The following IFT57 variants were observed in gnomAD, a reference collection of about 807,000 sequenced individuals.
The protein encoded by IFT57 is intraflagellar transport protein 57 homolog.
A neutral mutation model predicts 56.8 loss-of-function variants in IFT57; 59 were observed. The observed-to-expected ratio is 1.04, with a 90% CI of 0.84 to 1.29. The LOEUF (loss-of-function observed/expected upper bound fraction) is 1.29, where lower values mean the gene tolerates loss of function less well. Ranked by LOEUF, IFT57 falls within the 50% of genes most tolerant of loss-of-function variation. The pLI is 0.00. For missense variants in IFT57, 470 were observed against 522.1 expected (o/e 0.90, Z 0.97); for synonymous variants, 209 against 186.1 (o/e 1.12, Z -1.00).
At chr3:108,179,614 G>A (rs1474198695) in intron 6 of IFT57, among the ~76,000 whole-genome samples, 2 of 151,834 alleles carry the variant, frequency 1.3e-5, no homozygotes, top group East Asian at 1.9e-4. Flanking sequence ...TACTGCCCCC[G>A]TTTGTGTATC....
chr3:108,182,637 G>A (rs1477923868), intron 6 of IFT57, among the ~76,000 whole-genome samples: 1 of 151,996 alleles, frequency 6.6e-6, no homozygotes, highest in Non-Finnish European at 1.5e-5. Flanking sequence ...TAAAGTTTAA[G>A]GTTCTTTTTA....
chr3:108,209,531 T>C (rs1349212738), intron 4 of IFT57, among the ~76,000 whole-genome samples: 1 of 152,218 alleles, frequency 6.6e-6, no homozygotes, highest in Non-Finnish European at 1.5e-5. Flanking sequence ...ACAAGGTGCC[T>C]TGGTGTTGGT....
intron 1 of IFT57, among the ~76,000 whole-genome samples, chr3:108,221,311 A>G (rs1211534379): frequency 6.6e-6 from 1 of 152,224 alleles, no homozygotes; most frequent in African/African-American, 2.4e-5. Flanking sequence ...AAGTGAAAGA[A>G]AAGCTATAAA....
At chr3:108,163,761 C>A in intron 9 of IFT57, 32 bp from the exon 10 acceptor site, 1 of 1,356,124 alleles carries the variant, frequency 7.4e-7, no homozygotes, top group Non-Finnish European at 1.1e-6. Context: ...ATGAGCATTA[C>A]ATTTTAATAA....
intron 6 of IFT57, among the ~76,000 whole-genome samples, chr3:108,185,551 A>ATT (rs1179200943): frequency 0.014 from 1,229 of 87,330 alleles, 160 homozygotes; most frequent in African/African-American, 0.04. Context: ...GAGCACTAGG[A>ATT]TTTTTTTTTT....
rs566284893 is a variant in IFT57, at chr3:108,211,911, T to C, written c.585+2020A>G. 2.0e-5 allele frequency among the ~76,000 whole-genome samples: 3 copies of C among 152,330 alleles called. No homozygotes were observed. In the South Asian group the frequency reaches 6.2e-4, roughly 32 times the overall value. ...TATCAACATAAAATTTGGAATCATC[T>C]CAGTTAATTTTATAGCATATAGTAT... On this transcript the variant is annotated intron_variant, in intron 4 of 10. Transcript: ENST00000264538.
At chr3:108,199,901 T>G (rs555423925) in intron 5 of IFT57, among the ~76,000 whole-genome samples, 1 of 152,070 alleles carries the variant, frequency 6.6e-6, no homozygotes, top group Admixed American at 6.5e-5. Flanking sequence ...AGAGAGACAG[T>G]GGGAAGGTAT....
intron 6 of IFT57, among the ~76,000 whole-genome samples, chr3:108,168,780 T>C (rs1470080283): frequency 2.0e-5 from 3 of 152,060 alleles, no homozygotes; most frequent in Non-Finnish European, 4.4e-5. Flanking sequence ...CTGCTGAGAA[T>C]GATGGCTCCC....
chr3:108,175,347 A>G (rs1248233693), intron 6 of IFT57, among the ~76,000 whole-genome samples: 2 of 151,836 alleles, frequency 1.3e-5, no homozygotes, highest in African/African-American at 4.8e-5. Context: ...ATATGAAATC[A>G]CATGTATAAT....
At chr3:108,164,214 C>T (rs1226833312) in intron 9 of IFT57, among the ~76,000 whole-genome samples, 1 of 151,848 alleles carries the variant, frequency 6.6e-6, no homozygotes, top group Non-Finnish European at 1.5e-5. Context: ...TATCATATGG[C>T]TATATATAAG....
At position 108,218,307 on chromosome 3, in the gene IFT57, G is replaced by C. The variant is rs1424398258; in HGVS notation, c.494+228C>G. The C allele has an allele frequency of 3.1e-5, 9 of 293,796 alleles. No homozygotes were observed. In the Admixed American group the frequency reaches 4.1e-4, roughly 13 times the overall value. The allele number at this position is 293,796 out of a possible 1,614,324, so 18.2% of individuals were successfully genotyped here. On this transcript the variant is annotated intron_variant, in intron 3 of 10. Coordinates refer to ENST00000264538, the MANE Select transcript of IFT57 (RefSeq NM_018010.4). ...TTAAACCTTTAATAATTACATATTT[G>C]AACAGGAAAACGGCATAATAATATG...
At position 108,213,999 on chromosome 3, in the gene IFT57, A is replaced by G. The variant is rs781656463; in HGVS notation, c.517T>C (p.Leu173=). ...TCTTCTGCAACGCTTTCTTCTTCTA[A>G]TTCTTCTACTGGGTATATTGGCCTA... The part of the protein sequence containing the change: ...WKRPIYPVEE[L]EEESVAEDDA... Residue 173 remains leucine (L), a synonymous_variant, in exon 4 of 11, where the codon TTA becomes CTA. Transcript: ENST00000264538. 1 of 1,602,886 alleles carries G rather than the reference A, an allele frequency of 6.2e-7. No homozygotes were observed. The highest frequency in any genetic ancestry group is 1.1e-5 in the South Asian group (1 of 90,792).
chr3:108,222,420 C>G lies in IFT57; in HGVS notation c.-98G>C. The G allele has an allele frequency of 1.2e-6, 1 of 808,124 alleles. No homozygotes were observed. Among genetic ancestry groups the G allele is most frequent in the Non-Finnish European group, 1.8e-6 (1 of 547,218 alleles). The allele number at this position is 808,124 out of a possible 1,614,324, so 50.1% of individuals were successfully genotyped here. ...CGCCAGTACAGCCACGACCGGTTAC[C>G]AGGCGACCACCGGACAATCCGTCAC... is the stretch of plus-strand genomic sequence containing the variant. On this transcript the variant is annotated 5_prime_UTR_variant, in exon 1 of 11. Transcript: ENST00000264538.
intron 6 of IFT57, among the ~76,000 whole-genome samples, chr3:108,169,302 GTCTGTT>G (rs1201705539): frequency 2.0e-5 from 3 of 151,508 alleles, no homozygotes; most frequent in Non-Finnish European, 4.4e-5. Flanking sequence ...TCTGAGAAGC[GTCTGTT>G]CATATCCTTT....
intron 1 of IFT57, 87 bp from the exon 2 acceptor site, chr3:108,219,659 C>A: frequency 2.9e-6 from 4 of 1,358,330 alleles, no homozygotes; most frequent in Non-Finnish European, 4.1e-6. Context: ...TCACAATTGT[C>A]CAACAATCTT....
intron 6 of IFT57, among the ~76,000 whole-genome samples, chr3:108,189,826 C>T (rs1216047991): frequency 1.3e-5 from 2 of 152,010 alleles, no homozygotes; most frequent in East Asian, 1.9e-4. Flanking sequence ...ATAAACAACA[C>T]GTATTCCTTA....
At chr3:108,173,658 G>C (rs2080106661) in intron 6 of IFT57, among the ~76,000 whole-genome samples, 1 of 151,606 alleles carries the variant, frequency 6.6e-6, no homozygotes, top group Non-Finnish European at 1.5e-5. Context: ...TTGAAAACCA[G>C]AATGGAGGTC....
chr3:108,193,012 G>A (rs992695490), intron 5 of IFT57, among the ~76,000 whole-genome samples: 5 of 151,976 alleles, frequency 3.3e-5, no homozygotes, highest in African/African-American at 4.8e-5. Flanking sequence ...TGGATAGCGT[G>A]GCATGTTCAT....
chr3:108,179,264 C>T (rs1328467705), intron 6 of IFT57, among the ~76,000 whole-genome samples: 1 of 151,810 alleles, frequency 6.6e-6, no homozygotes, highest in Non-Finnish European at 1.5e-5. Flanking sequence ...CCAAAAGTGA[C>T]AAGTCTTGAG....
Sources: allele counts gnomAD v4.1 joint callset (sites outside exome capture counted in the v4.1 genomes callset), GRCh38; gene constraint gnomAD v4.1.1; transcripts MANE v1.5; gene names NCBI Gene and HGNC (gene_info 2026-07-23, HGNC 2026-07-21).